CSMD1: variants seen among roughly 807,000 people sequenced by gnomAD.
CSMD1 encodes the protein CUB and Sushi multiple domains 1, also known as CUB and sushi domain-containing protein 1.
Under a neutral mutation model 417.5 loss-of-function variants are expected in CSMD1, and 213 were observed. The observed-to-expected ratio is 0.51, with a 90% CI of 0.46 to 0.57. The LOEUF (loss-of-function observed/expected upper bound fraction) is 0.57. Ranked by LOEUF, CSMD1 falls within the 20% of genes least tolerant of loss-of-function variation. The pLI is 0.00. For synonymous variants in CSMD1, 2,862 were observed against 1,736.8 expected (o/e 1.65, Z -16.11); for missense variants, 6,923 against 4,529.7 (o/e 1.53, Z -15.17).
intron 3 of CSMD1, among the ~76,000 whole-genome samples, chr8:4,304,515 G>T (rs1464621545): frequency 6.6e-6 from 1 of 152,124 alleles, no homozygotes; most frequent in Non-Finnish European, 1.5e-5. Context: ...TACTGTTTCA[G>T]TGTCAGGACT....
At position 3,586,181 on chromosome 8, in the gene CSMD1, T is replaced by C; in HGVS notation, c.1177A>G (p.Thr393Ala). 2 of 1,612,878 alleles carry C rather than the reference T, an allele frequency of 1.2e-6. No homozygotes were observed. The highest frequency in any genetic ancestry group is 2.2e-5 in the South Asian group (2 of 90,886). The change falls in exon 9 of 70, where the codon ACA (threonine) becomes GCA (alanine). Residue 393 changes from threonine (T) to alanine (A), a missense_variant. Transcript: ENST00000635120. ...GSKSITCQRV[T>A]ETLAAWSDHR... Reference sequence around the variant, plus strand: ...TCACTCCAAGCAGCGAGCGTCTCTGTAACTCTCTGACAGGTGATGCTTTTA... The same window carrying C: ...TCACTCCAAGCAGCGAGCGTCTCTGCAACTCTCTGACAGGTGATGCTTTTA...
chr8:3,330,679 G>A (rs1806834970), intron 23 of CSMD1, among the ~76,000 whole-genome samples: 2 of 152,018 alleles, frequency 1.3e-5, no homozygotes, highest in South Asian at 2.1e-4. Flanking sequence ...CAAATAATCT[G>A]TACAACAAAC....
chr8:4,798,327 C>G (rs758362465), intron 1 of CSMD1, among the ~76,000 whole-genome samples: 7 of 152,186 alleles, frequency 4.6e-5, no homozygotes, highest in Non-Finnish European at 8.8e-5. Flanking sequence ...CATGTCCCTA[C>G]AAAGGACATG....
intron 2 of CSMD1, among the ~76,000 whole-genome samples, chr8:4,541,156 G>T (rs755759356): frequency 6.6e-6 from 1 of 152,072 alleles, no homozygotes; most frequent in South Asian, 2.1e-4. Flanking sequence ...AGCCAATAGT[G>T]GTGCCAGGGC....
intron 5 of CSMD1, among the ~76,000 whole-genome samples, chr8:3,822,275 C>G (rs1801777739): frequency 1.3e-5 from 2 of 152,134 alleles, no homozygotes; most frequent in Non-Finnish European, 2.9e-5. Flanking sequence ...GAGACATTTA[C>G]CCTTGTAAGA....
At chr8:3,635,148 G>A (rs567898615) in intron 7 of CSMD1, among the ~76,000 whole-genome samples, 6 of 152,220 alleles carry the variant, frequency 3.9e-5, no homozygotes, top group South Asian at 2.1e-4. Context: ...CGGTGAGTGC[G>A]TGTGAAGGCC....
intron 4 of CSMD1, among the ~76,000 whole-genome samples, chr8:4,026,532 A>T (rs1797074226): frequency 6.6e-6 from 1 of 152,230 alleles, no homozygotes. Flanking sequence ...AAAAAGCAAT[A>T]AACAATGAAG....
At chr8:4,922,202 G>C (rs1242670606) in intron 1 of CSMD1, among the ~76,000 whole-genome samples, 1 of 152,038 alleles carries the variant, frequency 6.6e-6, no homozygotes, top group Non-Finnish European at 1.5e-5. Context: ...GTGTGTGCGT[G>C]CATGTCTGTC....
At chr8:4,416,554 A>G (rs1245924101) in intron 3 of CSMD1, among the ~76,000 whole-genome samples, 2 of 152,118 alleles carry the variant, frequency 1.3e-5, no homozygotes, top group African/African-American at 4.8e-5. Flanking sequence ...ACGCATTTCC[A>G]ACATTTAGCT....
chr8:3,477,872 T>C (rs1007011813), intron 11 of CSMD1, among the ~76,000 whole-genome samples: 1 of 152,148 alleles, frequency 6.6e-6, no homozygotes. Flanking sequence ...ATTTATATGA[T>C]GTGTACCACT....
intron 2 of CSMD1, among the ~76,000 whole-genome samples, chr8:4,609,721 G>C (rs976173326): frequency 6.6e-6 from 1 of 152,006 alleles, no homozygotes; most frequent in Non-Finnish European, 1.5e-5. Context: ...ATTTAAACAA[G>C]AAAACAGAAA....
At chr8:3,691,435 G>C (rs148441469) in intron 7 of CSMD1, among the ~76,000 whole-genome samples, 2 of 152,158 alleles carry the variant, frequency 1.3e-5, no homozygotes, top group African/African-American at 2.4e-5. Context: ...TCAATGAAGA[G>C]AAGATTGGCG....
intron 3 of CSMD1, among the ~76,000 whole-genome samples, chr8:4,138,335 G>C (rs113280670): frequency 0.13 from 12,435 of 96,092 alleles, 3,096 homozygotes; most frequent in Non-Finnish European, 0.2. Context: ...ACACATTTGA[G>C]TTGTGGCAAA....
chr8:4,681,719 A>G (rs1225235848), intron 1 of CSMD1, among the ~76,000 whole-genome samples: 1 of 152,194 alleles, frequency 6.6e-6, no homozygotes, highest in Non-Finnish European at 1.5e-5. Context: ...AGAATTAACA[A>G]AAAAGAAGCC....
At chr8:4,626,436 T>G (rs991309900) in intron 2 of CSMD1, among the ~76,000 whole-genome samples, 1 of 152,130 alleles carries the variant, frequency 6.6e-6, no homozygotes. Flanking sequence ...GTAGTAACTC[T>G]GAACCTTCTG....
chr8:3,491,615 T>C (rs1532582), intron 11 of CSMD1, among the ~76,000 whole-genome samples: 1 of 151,954 alleles, frequency 6.6e-6, no homozygotes, highest in African/African-American at 2.4e-5. Context: ...AATGAAGGAG[T>C]CGTGTCCCTG....
At chr8:3,428,097 T>C (rs1223042146) in intron 12 of CSMD1, among the ~76,000 whole-genome samples, 1 of 152,232 alleles carries the variant, frequency 6.6e-6, no homozygotes, top group Admixed American at 6.5e-5. Flanking sequence ...CTATTATTCT[T>C]ACAGCACCTG....
chr8:4,622,304 G>A (rs752417744), intron 2 of CSMD1, among the ~76,000 whole-genome samples: 1 of 152,038 alleles, frequency 6.6e-6, no homozygotes, highest in Non-Finnish European at 1.5e-5. Flanking sequence ...GAGGAGGGAG[G>A]ATTTAGTGGC....
At chr8:4,303,394 G>A (rs954230030) in intron 3 of CSMD1, among the ~76,000 whole-genome samples, 7 of 120,298 alleles carry the variant, frequency 5.8e-5, no homozygotes, top group African/African-American at 2.2e-4. Flanking sequence ...TTTATTCATT[G>A]TCTCATTTAT....
Sources: gnomAD v4.1 joint callset for allele counts (sites outside exome capture counted in the v4.1 genomes callset) on GRCh38, gnomAD v4.1.1 for gene constraint, MANE v1.5 for transcripts, NCBI Gene and HGNC (gene_info 2026-07-23, HGNC 2026-07-21) for gene names.